The following UQCRC1 variants were observed in gnomAD, a reference collection of about 807,000 sequenced individuals.
UQCRC1 encodes cytochrome b-c1 complex subunit 1, mitochondrial.
UQCRC1 carries 34 observed loss-of-function variants against 58.0 expected under a neutral mutation model. That is an observed-to-expected ratio of 0.59 (90% confidence interval 0.45 to 0.78). The LOEUF is 0.78. Ranked by LOEUF, UQCRC1 falls within the 30% of genes least tolerant of loss-of-function variation. The pLI is 0.00. For missense variants in UQCRC1, 610 were observed against 646.0 expected (o/e 0.94, Z 0.60); for synonymous variants, 276 against 248.8 (o/e 1.11, Z -1.03).
chr3:48,605,704 C>A (rs2046405229), intron 3 of UQCRC1, 66 bp downstream of exon 3: 4 of 1,513,236 alleles, frequency 2.6e-6, no homozygotes, highest in South Asian at 2.4e-5. Flanking sequence ...ATTTTTCTGA[C>A]CTTCATCCTC....
rs2046384454 is a variant in UQCRC1 at position 48,603,542 on chromosome 3, C to A, written c.706+22G>T. The A allele has an allele frequency of 1.9e-6, 3 of 1,612,090 alleles. No homozygotes were observed. The South Asian group carries it at 3.3e-5, about 18-fold the overall frequency. ...AAGGCTGGGACCCCACTACCCAGGA[C>A]TTCAGTGATTCCATCACTCACCTCC... On this transcript the variant is annotated intron_variant, in intron 6 of 12. Transcript: ENST00000203407.
chr3:48,604,700 C>T lies in UQCRC1; in HGVS notation c.378G>A (p.Arg126=), dbSNP rs142702070. 1.7e-5 allele frequency: 27 copies of T among 1,614,044 alleles called. No individual in the cohort carries two copies. The African/African-American group carries it at 3.1e-4, about 18-fold the overall frequency. ...MGAHLNAYST[R]EHTAYYIKAL... ...CCTTGATGTAGTAAGCTGTGTGCTC[C>T]CGGGTGCTGTAGGCATTAAGATGGG... Residue 126 remains arginine (R), a synonymous_variant, in exon 4 of 13, where the codon CGG becomes CGA. Coordinates refer to ENST00000203407, the MANE Select transcript of UQCRC1 (RefSeq NM_003365.3).
At position 48,600,084 on chromosome 3, in the gene UQCRC1, A is replaced by C. The variant is rs758282397; in HGVS notation, c.1281T>G (p.Ala427=). ...LLTYGRRIPL[A]EWESRIAEVD... ...TTACCGCAATCCGGCTTTCCCATTC[A>C]GCCAGGGGGATGCGGCGGCCATAGG... The change falls in exon 11 of 13, where the codon GCT becomes GCG. Residue 427 remains alanine (A), a synonymous_variant. Transcript: ENST00000203407. 6.2e-7 allele frequency: 1 copy of C among 1,614,162 alleles called. No individual in the cohort carries two copies. The highest frequency in any genetic ancestry group is 1.7e-5 in the Admixed American group (1 of 60,024).
Position 48,609,551 on chromosome 3 carries a change from C to G in UQCRC1, c.69+1G>C. On this transcript the variant is annotated splice_donor_variant, in intron 1 of 12. Transcript: ENST00000203407. LOFTEE classifies it high-confidence loss of function. The stretch of plus-strand genomic sequence containing the variant: ...GCCCCGCGCTCTCGCCACCACCTCA[C>G]CGAGCGGCGGGCGCGCAATAGCACT... 6.4e-7 allele frequency: 1 copy of G among 1,572,838 alleles called. No homozygotes were observed. The highest frequency in any genetic ancestry group is 8.6e-7 in the Non-Finnish European group (1 of 1,166,224).
intron 8 of UQCRC1, 35 bp from the exon 9 acceptor site, chr3:48,600,875 T>C (rs770532906): frequency 1.9e-6 from 3 of 1,612,994 alleles, no homozygotes; most frequent in Non-Finnish European, 2.5e-6. Flanking sequence ...ACCCACCCTC[T>C]TGTCTTCAAC....
Position 48,600,065 on chromosome 3 carries a change from C to T in UQCRC1, c.1300G>A (p.Ala434Thr). 6.2e-7 allele frequency: 1 copy of T among 1,614,152 alleles called. No individual in the cohort carries two copies. The highest frequency in any genetic ancestry group is 8.5e-7 in the Non-Finnish European group (1 of 1,180,006). Residue 434 changes from alanine (A) to threonine (T), a missense_variant and splice_region_variant, in exon 11 of 13, where the codon GCG becomes ACG. Ala to Thr is a moderately conservative substitution (Grantham distance 58, BLOSUM62 0). Transcript: ENST00000203407. ...CCTCTCCCAGGGGTCCATGTTACCG[C>T]AATCCGGCTTTCCCATTCAGCCAGG... The part of the protein sequence containing the change: ...IPLAEWESRI[A>T]EVDASVVREI...
At chr3:48,603,020 G>C (rs1033529955) in intron 6 of UQCRC1, among the ~76,000 whole-genome samples, 9 of 152,080 alleles carry the variant, frequency 5.9e-5, no homozygotes, top group African/African-American at 2.2e-4. Flanking sequence ...CTTAGACCAT[G>C]ACACTGCTCT....
chr3:48,605,806 A>C lies in UQCRC1; in HGVS notation c.261T>G (p.Asn87Lys), dbSNP rs577470436. Residue 87 changes from asparagine to lysine, a missense_variant, in exon 3 of 13, where the codon AAT becomes AAG. By Grantham distance (94) the Asn-to-Lys change is moderately conservative (BLOSUM62 0). Transcript: ENST00000203407. ...GATGCTCCAAAAAGTAGCCTGCCCC[A>C]TTATTCTTCTCAGTCTCAAAACGGC... Reference protein sequence around the residue: ...VGSRFETEKNNGAGYFLEHLA... With the variant: ...VGSRFETEKNKGAGYFLEHLA... The C allele has an allele frequency of 6.2e-7, 1 of 1,613,918 alleles. No homozygotes were observed. The highest frequency in any genetic ancestry group is 1.7e-5 in the Admixed American group (1 of 59,996).
At chr3:48,599,477 C>A in intron 12 of UQCRC1, 158 bp downstream of exon 12, 2 of 814,004 alleles carry the variant, frequency 2.5e-6, no homozygotes, top group Non-Finnish European at 3.9e-6. Context: ...GTTTTCTGAG[C>A]AAGAACTCCC....
chr3:48,609,062 C>G, intron 2 of UQCRC1, 100 bp downstream of exon 2: 2 of 1,504,458 alleles, frequency 1.3e-6, no homozygotes, highest in Non-Finnish European at 1.8e-6. Flanking sequence ...CGAACCCAAA[C>G]CACAAACGGG....
chr3:48,605,795 T>G lies in UQCRC1; in HGVS notation c.272A>C (p.Tyr91Ser). The change falls in exon 3 of 13, where the codon TAC (tyrosine) becomes TCC (serine). Residue 91 changes from tyrosine (Y) to serine (S), a missense_variant. Coordinates refer to ENST00000203407, the MANE Select transcript of UQCRC1 (RefSeq NM_003365.3). ...CTTGAAAGCCAGATGCTCCAAAAAG[T>G]AGCCTGCCCCATTATTCTTCTCAGT... ...FETEKNNGAG[Y>S]FLEHLAFKGT... 2 of 1,613,882 alleles carry G rather than the reference T, an allele frequency of 1.2e-6. No homozygotes were observed. Among genetic ancestry groups the G allele is most frequent in the Non-Finnish European group, 1.7e-6 (2 of 1,179,892 alleles).
chr3:48,607,980 C>T (rs1039477787), intron 2 of UQCRC1, among the ~76,000 whole-genome samples: 1 of 152,172 alleles, frequency 6.6e-6, no homozygotes, highest in Non-Finnish European at 1.5e-5. Context: ...GTGTGCCATG[C>T]ATGGCTAATT....
chr3:48,603,937 C>T (rs1204934724), intron 5 of UQCRC1: 7 of 583,562 alleles, frequency 1.2e-5, no homozygotes, highest in Non-Finnish European at 9.1e-6. Flanking sequence ...ATCAAAGCTC[C>T]CGGAGCCATC....
chr3:48,601,563 T>C, intron 6 of UQCRC1, 96 bp from the exon 7 acceptor site: 1 of 1,102,582 alleles, frequency 9.1e-7, no homozygotes, highest in Admixed American at 2.0e-5. Flanking sequence ...TGTCCTGTCT[T>C]AGTGGGAGAA....
chr3:48,604,945 C>G (rs745506644), intron 3 of UQCRC1, among the ~76,000 whole-genome samples, 165 bp from the exon 4 acceptor site: 1 of 152,142 alleles, frequency 6.6e-6, no homozygotes, highest in Non-Finnish European at 1.5e-5. Context: ...ACTAAGCAGG[C>G]CTTGAGGTGA....
intron 1 of UQCRC1, 93 bp from the exon 2 acceptor site, chr3:48,609,395 G>A (rs1009905849): frequency 3.3e-6 from 5 of 1,523,504 alleles, no homozygotes; most frequent in Admixed American, 3.9e-5. Context: ...CCCGCCCCTA[G>A]GCAAGCGGCG....
intron 11 of UQCRC1, 30 bp from the exon 12 acceptor site, chr3:48,599,740 T>C (rs777651473): frequency 6.2e-7 from 1 of 1,610,690 alleles, no homozygotes; most frequent in South Asian, 1.1e-5. Flanking sequence ...GCATACTGGC[T>C]AACGGGCACC....
intron 2 of UQCRC1, among the ~76,000 whole-genome samples, chr3:48,606,388 A>AAC (rs372437734): frequency 2.9e-4 from 44 of 152,284 alleles, no homozygotes; most frequent in African/African-American, 1.1e-3. Context: ...CTGAACACCA[A>AAC]ACAGTGTTGC....
At position 48,609,579 on chromosome 3, in the gene UQCRC1, T is replaced by C. The variant is rs750849318; in HGVS notation, c.42A>G (p.Ala14=). Residue 14 remains alanine, a synonymous_variant, in exon 1 of 13, where the codon GCA becomes GCG. Transcript: ENST00000203407. ...AGCGGCGGGCGCGCAATAGCACTTG[T>C]GCCCCGGCGGTAGCGGCCCGACAGA... ...SVVCRAATAG[A]QVLLRARRSP... is the part of the protein sequence containing the mutation. 1.3e-5 allele frequency: 20 copies of C among 1,571,714 alleles called. No individual in the cohort carries two copies. Among genetic ancestry groups the C allele is most frequent in the Admixed American group, 5.3e-5 (3 of 56,220 alleles).
Sources: allele counts gnomAD v4.1 joint callset (sites outside exome capture counted in the v4.1 genomes callset), GRCh38; gene constraint gnomAD v4.1.1; transcripts MANE v1.5; gene names NCBI Gene and HGNC (gene_info 2026-07-23, HGNC 2026-07-21).